TMEM132D: variants seen among roughly 807,000 people sequenced by gnomAD.
The protein encoded by TMEM132D is mature OL transmembrane protein.
Under a neutral mutation model 62.3 loss-of-function variants are expected in TMEM132D, and 21 were observed. That is an observed-to-expected ratio of 0.34 (90% CI 0.24 to 0.49). The LOEUF (loss-of-function observed/expected upper bound fraction) is 0.49. Among genes scored for constraint, TMEM132D ranks in the 20% least tolerant of loss-of-function variants. The probability of loss-of-function intolerance (pLI) is 0.99; values close to 1 mark genes in which losing one functional copy is unlikely to be tolerated. For missense variants in TMEM132D, 1,346 were observed against 1,402.8 expected (o/e 0.96, Z 0.65); for synonymous variants, 621 against 575.6 (o/e 1.08, Z -1.13).
intron 1 of TMEM132D, among the ~76,000 whole-genome samples, chr12:129,718,697 T>TA (rs912891022): frequency 3.3e-5 from 5 of 152,262 alleles, no homozygotes; most frequent in African/African-American, 1.2e-4. Context: ...TTTTATAGGT[T>TA]AAAAAAATGA....
chr12:129,376,522 G>A (rs1369605838), intron 3 of TMEM132D, among the ~76,000 whole-genome samples: 1 of 152,138 alleles, frequency 6.6e-6, no homozygotes, highest in Non-Finnish European at 1.5e-5. Context: ...GATTATGGGA[G>A]ACACAATTCA....
At chr12:129,534,086 G>C (rs889402105) in intron 2 of TMEM132D, among the ~76,000 whole-genome samples, 20 of 152,228 alleles carry the variant, frequency 1.3e-4, no homozygotes, top group Admixed American at 1.1e-3. Flanking sequence ...GGCTCCACTG[G>C]GTCTGAGCCA....
intron 5 of TMEM132D, among the ~76,000 whole-genome samples, chr12:129,181,234 AAAC>A (rs1342647658): frequency 6.6e-6 from 1 of 152,152 alleles, no homozygotes; most frequent in Non-Finnish European, 1.5e-5. Context: ...AGGCTTCTGA[AAAC>A]AATCTGAAAT....
chr12:129,550,249 T>C (rs1876857115), intron 2 of TMEM132D, among the ~76,000 whole-genome samples: 2 of 152,192 alleles, frequency 1.3e-5, no homozygotes. Context: ...TTTTTCTATA[T>C]TTTTACACTA....
intron 3 of TMEM132D, among the ~76,000 whole-genome samples, chr12:129,465,246 A>G (rs377517286): frequency 1.2e-4 from 19 of 152,128 alleles, no homozygotes; most frequent in African/African-American, 4.6e-4. Flanking sequence ...AAATTCAACA[A>G]CCCTTCATGC....
At chr12:129,521,093 A>G (rs1239505150) in intron 3 of TMEM132D, among the ~76,000 whole-genome samples, 1 of 152,220 alleles carries the variant, frequency 6.6e-6, no homozygotes, top group Non-Finnish European at 1.5e-5. Context: ...TAGACTTTGA[A>G]TTTGATCCTG....
chr12:129,847,007 A>G lies in TMEM132D; in HGVS notation c.79+56254T>C, dbSNP rs185581885. Among the ~76,000 whole-genome samples, 244 of 152,342 alleles carry G rather than the reference A, an allele frequency of 1.6e-3. 2 individuals are homozygous for G. The highest frequency in any genetic ancestry group is 6.8e-3 in the Middle Eastern group (2 of 294). On this transcript the variant is annotated intron_variant, in intron 1 of 8. Coordinates refer to ENST00000422113, the MANE Select transcript of TMEM132D (RefSeq NM_133448.3). ...CAGACAATGTATTACAAAAAATTAT[A>G]AATACTGTGGATTACGTTAATTTAC...
intron 5 of TMEM132D, among the ~76,000 whole-genome samples, chr12:129,100,437 T>C (rs934619079): frequency 6.6e-6 from 1 of 152,228 alleles, no homozygotes; most frequent in Non-Finnish European, 1.5e-5. Context: ...CTCCAGGCCA[T>C]GCCTCATGGT....
chr12:129,772,236 A>G (rs1370341278), intron 1 of TMEM132D, among the ~76,000 whole-genome samples: 1 of 152,208 alleles, frequency 6.6e-6, no homozygotes, highest in Non-Finnish European at 1.5e-5. Context: ...GAGTACTTTC[A>G]TACACCTATA....
intron 5 of TMEM132D, among the ~76,000 whole-genome samples, chr12:129,103,170 C>T (rs1219438704): frequency 1.3e-5 from 2 of 152,128 alleles, no homozygotes; most frequent in Non-Finnish European, 1.5e-5. Context: ...TAGAAGGAGG[C>T]CTCCAGGCTG....
At chr12:129,200,128 C>T (rs1362316338) in intron 5 of TMEM132D, among the ~76,000 whole-genome samples, 3 of 152,124 alleles carry the variant, frequency 2.0e-5, no homozygotes, top group Non-Finnish European at 4.4e-5. Flanking sequence ...CTTGGATCTC[C>T]ACTTAATGGA....
intron 1 of TMEM132D, among the ~76,000 whole-genome samples, chr12:129,819,487 CCA>C (rs1323518866): frequency 6.6e-6 from 1 of 152,182 alleles, no homozygotes; most frequent in African/African-American, 2.4e-5. Context: ...AGGTACAACT[CCA>C]CACGCCCCAG....
intron 4 of TMEM132D, among the ~76,000 whole-genome samples, chr12:129,316,222 T>TA (rs1868484799): frequency 6.6e-6 from 1 of 152,186 alleles, no homozygotes; most frequent in South Asian, 2.1e-4. Flanking sequence ...TCTTGCTCCT[T>TA]AAGGTGTGAC....
chr12:129,136,478 G>A (rs1228401642), intron 5 of TMEM132D, among the ~76,000 whole-genome samples: 1 of 152,214 alleles, frequency 6.6e-6, no homozygotes, highest in Non-Finnish European at 1.5e-5. Context: ...TTAAATTGAG[G>A]TTAGGCATTT....
chr12:129,556,473 T>C (rs1294171164), intron 2 of TMEM132D, among the ~76,000 whole-genome samples: 2 of 151,502 alleles, frequency 1.3e-5, no homozygotes, highest in African/African-American at 4.9e-5. Context: ...GAGCTTTTTT[T>C]TTTCCCCCAG....
intron 1 of TMEM132D, among the ~76,000 whole-genome samples, chr12:129,795,740 C>G (rs1409516659): frequency 6.6e-6 from 1 of 152,162 alleles, no homozygotes; most frequent in African/African-American, 2.4e-5. Context: ...ATCTAGAGGT[C>G]TCCTTTACTA....
At chr12:129,369,950 C>G (rs1222081683) in intron 3 of TMEM132D, among the ~76,000 whole-genome samples, 5 of 152,178 alleles carry the variant, frequency 3.3e-5, no homozygotes, top group Non-Finnish European at 5.9e-5. Flanking sequence ...GTGGGTCACA[C>G]AGTGGGAGCA....
intron 3 of TMEM132D, among the ~76,000 whole-genome samples, chr12:129,384,088 C>T (rs1195021418): frequency 6.6e-6 from 1 of 152,158 alleles, no homozygotes; most frequent in Non-Finnish European, 1.5e-5. Context: ...AGAAATGCTC[C>T]GAAGGCTGGA....
intron 3 of TMEM132D, among the ~76,000 whole-genome samples, chr12:129,440,475 G>C (rs907389093): frequency 6.6e-6 from 1 of 152,254 alleles, no homozygotes; most frequent in African/African-American, 2.4e-5. Flanking sequence ...ATCATGTGGC[G>C]CGTGGAGGCA....
Sources: allele counts gnomAD v4.1 joint callset (sites outside exome capture counted in the v4.1 genomes callset), GRCh38; gene constraint gnomAD v4.1.1; transcripts MANE v1.5; gene names NCBI Gene and HGNC (gene_info 2026-07-23, HGNC 2026-07-21).